The following DEPDC1B variants were observed in gnomAD, a reference collection of about 807,000 sequenced individuals.
DEPDC1B encodes the protein DEP domain containing 1B.
A neutral mutation model predicts 66.5 loss-of-function variants in DEPDC1B; 51 were observed. That is an observed-to-expected ratio of 0.77 (90% CI 0.61 to 0.97). DEPDC1B has a LOEUF of 0.97. Among genes scored for constraint, DEPDC1B ranks in the 50% least tolerant of loss-of-function variants. The pLI is 0.00. For synonymous variants in DEPDC1B, 226 were observed against 223.6 expected (o/e 1.01, Z -0.10); for missense variants, 552 against 637.1 (o/e 0.87, Z 1.44).
At chr5:60,685,190 A>G (rs1189812291) in intron 2 of DEPDC1B, among the ~76,000 whole-genome samples, 1 of 152,238 alleles carries the variant, frequency 6.6e-6, no homozygotes, top group Non-Finnish European at 1.5e-5. Context: ...GCACTGTAAT[A>G]GAAGCCTGCA....
At chr5:60,675,447 A>G (rs1561387992) in intron 2 of DEPDC1B, among the ~76,000 whole-genome samples, 1 of 152,106 alleles carries the variant, frequency 6.6e-6, no homozygotes, top group Non-Finnish European at 1.5e-5. Flanking sequence ...ACCCATCACA[A>G]AGACTTAGAC....
intron 2 of DEPDC1B, among the ~76,000 whole-genome samples, chr5:60,679,466 G>C (rs1754243695): frequency 6.6e-6 from 1 of 151,570 alleles, no homozygotes; most frequent in South Asian, 2.1e-4. Flanking sequence ...GAAAGTATGA[G>C]AGAAAAGGAA....
chr5:60,603,048 A>C (rs1199555470), intron 9 of DEPDC1B, among the ~76,000 whole-genome samples: 1 of 152,184 alleles, frequency 6.6e-6, no homozygotes, highest in Non-Finnish European at 1.5e-5. Flanking sequence ...AAAAAGTGGG[A>C]ATATTAAACT....
chr5:60,668,231 TTTTATATATATATATAAAATGGATATTA>T (rs1230311445), intron 2 of DEPDC1B, among the ~76,000 whole-genome samples: 10 of 63,700 alleles, frequency 1.6e-4, no homozygotes, highest in African/African-American at 7.3e-4. Flanking sequence ...AAAATGGATA[TTTTATATATATATATAAAATGGATATTA>T]TATATATATA....
At chr5:60,618,345 A>C (rs1193177930) in intron 7 of DEPDC1B, among the ~76,000 whole-genome samples, 4 of 152,228 alleles carry the variant, frequency 2.6e-5, no homozygotes. Flanking sequence ...CAATGAATCC[A>C]GGAGCTGGTT....
chr5:60,602,355 G>T (rs1441658447), intron 9 of DEPDC1B, among the ~76,000 whole-genome samples: 1 of 152,066 alleles, frequency 6.6e-6, no homozygotes, highest in Non-Finnish European at 1.5e-5. Flanking sequence ...CAATGTGTTA[G>T]GTTGATAATT....
At chr5:60,631,652 G>A (rs1752927618) in intron 7 of DEPDC1B, among the ~76,000 whole-genome samples, 1 of 152,146 alleles carries the variant, frequency 6.6e-6, no homozygotes. Context: ...CATCATATGG[G>A]TCCTATTAGC....
At chr5:60,637,508 T>C (rs1753070706) in intron 7 of DEPDC1B, among the ~76,000 whole-genome samples, 1 of 152,240 alleles carries the variant, frequency 6.6e-6, no homozygotes, top group South Asian at 2.1e-4. Flanking sequence ...CTTTTCTTTA[T>C]ACATTACCAA....
chr5:60,600,013 A>C (rs1201646037), intron 9 of DEPDC1B, among the ~76,000 whole-genome samples: 2 of 152,140 alleles, frequency 1.3e-5, no homozygotes, highest in African/African-American at 2.4e-5. Flanking sequence ...TCTTTTAACA[A>C]GATCTGAAAT....
At chr5:60,659,044 T>A (rs574797760) in intron 2 of DEPDC1B, among the ~76,000 whole-genome samples, 1 of 152,174 alleles carries the variant, frequency 6.6e-6, no homozygotes, top group Non-Finnish European at 1.5e-5. Context: ...TCGTCCTAAT[T>A]GAGCTGAACA....
intron 10 of DEPDC1B, 79 bp downstream of exon 10, chr5:60,598,996 T>C: frequency 8.3e-7 from 1 of 1,211,906 alleles, no homozygotes; most frequent in South Asian, 1.7e-5. Context: ...GAGATTTACA[T>C]GAAGCCTATT....
Position 60,605,742 on chromosome 5 carries a change from C to G in DEPDC1B, c.1013G>C (p.Cys338Ser). 7 of 1,613,116 alleles carry G rather than the reference C, an allele frequency of 4.3e-6. No individual in the cohort carries two copies. The highest frequency in any genetic ancestry group is 5.9e-6 in the Non-Finnish European group (7 of 1,179,494). Residue 338 changes from cysteine (C) to serine (S), a missense_variant, in exon 8 of 11, where the codon TGC becomes TCC. Cys to Ser is a moderately radical substitution (Grantham distance 112). Coordinates refer to ENST00000265036, the MANE Select transcript of DEPDC1B (RefSeq NM_018369.3). ...QLLMRMMARICLNKEMPPLCD... is the reference protein window; with the variant it reads ...QLLMRMMARISLNKEMPPLCD... ...CAGGGGTGGCATCTCTTTGTTTAAG[C>G]AAATCCTTGCCATCATCCTCATCAA...
chr5:60,662,796 G>C (rs567891723), intron 2 of DEPDC1B, among the ~76,000 whole-genome samples: 1 of 152,256 alleles, frequency 6.6e-6, no homozygotes, highest in South Asian at 2.1e-4. Flanking sequence ...AGGATGCCCA[G>C]GACAAGTGCC....
intron 7 of DEPDC1B, among the ~76,000 whole-genome samples, chr5:60,633,478 T>C (rs1406713022): frequency 6.6e-6 from 1 of 152,204 alleles, no homozygotes; most frequent in African/African-American, 2.4e-5. Flanking sequence ...AGAGTAGCTG[T>C]AGGCAAGTAC....
At chr5:60,687,537 T>C (rs545687410) in intron 1 of DEPDC1B, among the ~76,000 whole-genome samples, 3 of 152,036 alleles carry the variant, frequency 2.0e-5, no homozygotes, top group African/African-American at 7.2e-5. Flanking sequence ...AAAAACTTTT[T>C]TTTTTTTGAG....
chr5:60,606,979 C>G (rs1752324112), intron 7 of DEPDC1B, among the ~76,000 whole-genome samples: 1 of 152,034 alleles, frequency 6.6e-6, no homozygotes, highest in South Asian at 2.1e-4. Context: ...ATTTACTGAC[C>G]ATCTACAATA....
chr5:60,605,334 TG>T (rs977249110), intron 8 of DEPDC1B, among the ~76,000 whole-genome samples: 9 of 152,156 alleles, frequency 5.9e-5, no homozygotes, highest in African/African-American at 2.2e-4. Context: ...AATGATAAGT[TG>T]GTATGGTAAT....
At chr5:60,622,202 CA>C (rs1177453342) in intron 7 of DEPDC1B, among the ~76,000 whole-genome samples, 10 of 152,238 alleles carry the variant, frequency 6.6e-5, no homozygotes, top group Admixed American at 2.0e-4. Flanking sequence ...TCCGCCCCCC[CA>C]AAGAATCTAC....
At chr5:60,633,754 C>T (rs1000240166) in intron 7 of DEPDC1B, among the ~76,000 whole-genome samples, 3 of 152,222 alleles carry the variant, frequency 2.0e-5, no homozygotes, top group Non-Finnish European at 2.9e-5. Flanking sequence ...GTGAGCTTTG[C>T]TTTCATTTGT....
Sources: gnomAD v4.1 joint callset for allele counts (sites outside exome capture counted in the v4.1 genomes callset) on GRCh38, gnomAD v4.1.1 for gene constraint, MANE v1.5 for transcripts, NCBI Gene and HGNC (gene_info 2026-07-23, HGNC 2026-07-21) for gene names.